The following LMLN variants were observed in gnomAD, a reference collection of about 807,000 sequenced individuals.
LMLN encodes leishmanolysin-like peptidase.
A neutral mutation model predicts 92.3 loss-of-function variants in LMLN; 70 were observed. That is an observed-to-expected ratio of 0.76 (90% CI 0.63 to 0.92). The LOEUF is 0.92. Ranked by LOEUF, LMLN falls within the 40% of genes least tolerant of loss-of-function variation. LMLN has a pLI of 0.00. For missense variants in LMLN, 691 were observed against 814.6 expected, an observed-to-expected ratio of 0.85 and a Z score of 1.85; for synonymous variants, 308 against 296.2, an observed-to-expected ratio of 1.04 and a Z score of -0.41.
At chr3:197,974,459 A>T in exon 2 of LMLN, 13 of 1,546,858 alleles carry the variant, frequency 8.4e-6, no homozygotes, top group Non-Finnish European at 1.1e-5. Context: ...ACTGTCTATG[A>T]TAAAAGTGTT....
intron 9 of LMLN, chr3:197,994,622 A>G (rs527462500): frequency 3.3e-5 from 5 of 152,336 alleles, no homozygotes; most frequent in Admixed American, 1.3e-4. Context: ...TTGGCAGCAC[A>G]AAGACTAAAA....
At position 197,995,381 on chromosome 3, in the gene LMLN, C is replaced by T. The variant is rs185420611; in HGVS notation, c.1048-794C>T. ...GATATTGGACTGAACAGGAAGTTGA[C>T]GCCACTAACACAATGGAATACTATT... On this transcript the variant is annotated intron_variant, in intron 9 of 15. Transcript: ENST00000330198. Among the ~76,000 whole-genome samples, 34 of 152,154 alleles carry T rather than the reference C, an allele frequency of 2.2e-4. 1 individual carries two copies. The East Asian group carries it at 6.2e-3, about 28-fold the overall frequency.
intron 15 of LMLN, among the ~76,000 whole-genome samples, chr3:198,037,461 C>A (rs1456061816): frequency 6.6e-6 from 1 of 152,082 alleles, no homozygotes; most frequent in Non-Finnish European, 1.5e-5. Context: ...ATCAACCTGG[C>A]CAACATGGTG....
intron 14 of LMLN, among the ~76,000 whole-genome samples, chr3:198,030,906 A>G (rs1723060902): frequency 6.6e-6 from 1 of 151,500 alleles, no homozygotes. Flanking sequence ...GTCTTCAGCT[A>G]GTTTCCACCG....
intron 1 of LMLN, among the ~76,000 whole-genome samples, chr3:197,966,147 A>G (rs1178213797): frequency 2.6e-5 from 4 of 152,088 alleles, no homozygotes; most frequent in Non-Finnish European, 5.9e-5. Context: ...GGTTCAAGCA[A>G]TTCTCCTGCC....
At chr3:197,983,861 T>G (rs1721625932) in intron 6 of LMLN, 82 bp from the exon 7 acceptor site, 8 of 900,204 alleles carry the variant, frequency 8.9e-6, no homozygotes, top group Non-Finnish European at 1.1e-5. Context: ...TTTCTGTCCT[T>G]GAGCAGTATT....
intron 1 of LMLN, among the ~76,000 whole-genome samples, chr3:197,965,404 T>G (rs1040294122): frequency 6.6e-6 from 1 of 152,148 alleles, no homozygotes; most frequent in African/African-American, 2.4e-5. Context: ...TTCTATAGTT[T>G]TTTTTTATTT....
rs1270897613 is a variant in LMLN at position 198,025,345 on chromosome 3, A to T, written c.1656+557A>T. 6.6e-6 allele frequency among the ~76,000 whole-genome samples: 1 copy of T among 152,158 alleles called. No individual in the cohort carries two copies. Among genetic ancestry groups the T allele is most frequent in the Non-Finnish European group, 1.5e-5 (1 of 68,020 alleles). On this transcript the variant is annotated intron_variant, in intron 14 of 15. Transcript: ENST00000330198. This position sits in a 1 kb window ranked among gnomAD's most constrained non-coding sequence, Gnocchi z 4.3. ...TTTTTCCTTTGTAATTAGAAATCCAAAAAGGGCAAACTACAATTTTTTTTC... is the reference window on the plus strand; with the variant it reads ...TTTTTCCTTTGTAATTAGAAATCCATAAAGGGCAAACTACAATTTTTTTTC...
At chr3:198,011,115 A>C (rs1441208978) in intron 11 of LMLN, among the ~76,000 whole-genome samples, 1 of 150,896 alleles carries the variant, frequency 6.6e-6, no homozygotes, top group Non-Finnish European at 1.5e-5. Flanking sequence ...TCTTGATATA[A>C]GTTTTTTATT....
intron 1 of LMLN, among the ~76,000 whole-genome samples, chr3:197,974,166 T>G (rs1421506812): frequency 6.6e-6 from 1 of 152,256 alleles, no homozygotes; most frequent in Non-Finnish European, 1.5e-5. Flanking sequence ...GATTTAGTCA[T>G]GTGACTTGAA....
chr3:198,032,101 CA>C (rs35145607), intron 14 of LMLN, among the ~76,000 whole-genome samples: 25,939 of 103,566 alleles, frequency 0.25, 3,647 homozygotes, highest in African/African-American at 0.47. Context: ...GACTCTGACT[CA>C]AAAAAAAAAA....
At chr3:197,975,299 T>C (rs924125049) in intron 3 of LMLN, among the ~76,000 whole-genome samples, 7 of 152,232 alleles carry the variant, frequency 4.6e-5, no homozygotes, top group African/African-American at 1.7e-4. Context: ...TAATCAGTTT[T>C]CTCATTTTTC....
chr3:198,032,101 C>CAAAA (rs35145607), intron 14 of LMLN, among the ~76,000 whole-genome samples: 1 of 103,712 alleles, frequency 9.6e-6, no homozygotes, highest in African/African-American at 3.0e-5. Context: ...GACTCTGACT[C>CAAAA]AAAAAAAAAA....
intron 1 of LMLN, among the ~76,000 whole-genome samples, 162 bp downstream of exon 1, chr3:197,960,602 C>T (rs1400804617): frequency 6.6e-6 from 1 of 152,118 alleles, no homozygotes; most frequent in Admixed American, 6.5e-5. Flanking sequence ...CTCCCTACAC[C>T]CTGCAAGTTG....
At chr3:198,033,138 AG>A (rs1723121227) in intron 14 of LMLN, among the ~76,000 whole-genome samples, 1 of 152,168 alleles carries the variant, frequency 6.6e-6, no homozygotes, top group Admixed American at 6.5e-5. Context: ...AACTTCAGCA[AG>A]GGAGTTTTCC....
chr3:197,988,259 C>T (rs150744075), intron 8 of LMLN, among the ~76,000 whole-genome samples: 11 of 151,840 alleles, frequency 7.2e-5, no homozygotes, highest in South Asian at 6.2e-4. Context: ...GCTGGGACTA[C>T]GGTCACATGC....
chr3:198,014,174 G>A (rs1267408167), intron 11 of LMLN, among the ~76,000 whole-genome samples: 26 of 147,276 alleles, frequency 1.8e-4, no homozygotes, highest in Non-Finnish European at 2.8e-4. Flanking sequence ...GTACCCTTCA[G>A]AGCCTCCTAA....
chr3:197,966,238 C>T (rs184183218), intron 1 of LMLN, among the ~76,000 whole-genome samples: 10 of 152,194 alleles, frequency 6.6e-5, no homozygotes, highest in Middle Eastern at 3.4e-3. Context: ...AGACAAGTTT[C>T]GCCATGTTAG....
intron 13 of LMLN, among the ~76,000 whole-genome samples, chr3:198,024,255 G>A (rs557128349): frequency 1.2e-4 from 16 of 138,796 alleles, no homozygotes; most frequent in South Asian, 4.5e-4. Flanking sequence ...TCTCTCTGTC[G>A]CCCAGGCTGG....
Sources: allele counts gnomAD v4.1 joint callset (sites outside exome capture counted in the v4.1 genomes callset), GRCh38; gene constraint gnomAD v4.1.1; non-coding constraint Gnocchi (gnomAD v3.1); transcripts MANE v1.5; gene names NCBI Gene and HGNC (gene_info 2026-07-23, HGNC 2026-07-21).